The following SOX6 variants were observed in gnomAD, a reference collection of about 807,000 sequenced individuals.
The protein encoded by SOX6 is transcription factor SOX-6.
In SOX6, 11 loss-of-function variants were observed where a neutral mutation model predicts 97.8. The observed-to-expected ratio is 0.11, with a 90% CI of 0.07 to 0.19. The LOEUF (loss-of-function observed/expected upper bound fraction) is 0.19. Ranked by LOEUF, SOX6 falls within the 10% of genes least tolerant of loss-of-function variation. The pLI, the probability that SOX6 is intolerant of heterozygous loss-of-function variation, is 1.00. For synonymous variants in SOX6, 360 were observed against 371.4 expected (o/e 0.97, Z 0.35); for missense variants, 810 against 1,039.5 (o/e 0.78, Z 3.04).
At chr11:16,503,386 G>T (rs11023969) in intron 4 of SOX6, among the ~76,000 whole-genome samples, 26,766 of 152,082 alleles carry the variant, frequency 0.18, 2,755 homozygotes, top group Admixed American at 0.31. Flanking sequence ...GGAACAAATT[G>T]TAGGCAAAGC....
At chr11:16,266,974 A>C (rs986797865) in intron 3 of SOX6, among the ~76,000 whole-genome samples, 18 of 140,300 alleles carry the variant, frequency 1.3e-4, no homozygotes, top group African/African-American at 4.8e-4. Flanking sequence ...GGAGCTGGGA[A>C]AACTGGATAA....
chr11:16,191,267 C>T (rs1851622732), intron 4 of SOX6, among the ~76,000 whole-genome samples: 1 of 152,000 alleles, frequency 6.6e-6, no homozygotes, highest in Admixed American at 6.6e-5. Context: ...ACTACATGGG[C>T]AACATAGTAA....
chr11:15,986,292 T>C lies in SOX6; in HGVS notation c.2095A>G (p.Ile699Val). 4.3e-6 allele frequency: 7 copies of C among 1,614,162 alleles called. No homozygotes were observed. The highest frequency in any genetic ancestry group is 5.9e-6 in the Non-Finnish European group (7 of 1,180,016). Residue 699 changes from isoleucine (I) to valine (V), a missense_variant, in exon 15 of 16, where the codon ATT becomes GTT. Around this residue, in one of 9 missense-constraint regions of SOX6, gnomAD observed 51 missense variants for 145.7 expected, o/e 0.35. Coordinates refer to ENST00000683767, the MANE Select transcript of SOX6 (RefSeq NM_001367873.1). ...ATCCGAAGCTTTTTGCCATCAACAA[T>C]GCAGGTGCGTTTCGGTCGGGGTTTG... ...KYKPRPKRTC[I>V]VDGKKLRIGE...
chr11:16,557,725 A>G (rs1322619659), intron 4 of SOX6, among the ~76,000 whole-genome samples: 1 of 151,828 alleles, frequency 6.6e-6, no homozygotes, highest in Non-Finnish European at 1.5e-5. Context: ...TATTATTGTA[A>G]ATGATAATAT....
At chr11:16,581,315 G>C (rs1255515169) in intron 4 of SOX6, among the ~76,000 whole-genome samples, 2 of 152,062 alleles carry the variant, frequency 1.3e-5, no homozygotes, top group Non-Finnish European at 2.9e-5. Context: ...GGATGAAGCA[G>C]GAAGCCATCA....
intron 4 of SOX6, among the ~76,000 whole-genome samples, chr11:16,569,877 A>AAAAAAAAAAAAAAAAAAAAAAAAAAAC (rs1452519739): frequency 6.6e-6 from 1 of 151,418 alleles, no homozygotes; most frequent in African/African-American, 2.4e-5. Context: ...TCAAAAAAAA[A>AAAAAAAAAAAAAAAAAAAAAAAAAAAC]AAAAAAAAGA....
chr11:16,386,565 C>T (rs1857992528), intron 1 of SOX6, among the ~76,000 whole-genome samples: 1 of 152,112 alleles, frequency 6.6e-6, no homozygotes, highest in Admixed American at 6.6e-5. Flanking sequence ...TCTTCTCTAA[C>T]TGTTCTCTGT....
At chr11:16,152,367 C>T (rs898699456) in intron 6 of SOX6, among the ~76,000 whole-genome samples, 7 of 152,092 alleles carry the variant, frequency 4.6e-5, no homozygotes, top group Non-Finnish European at 1.0e-4. Context: ...TCTGGAGAAC[C>T]CAAATCTGGC....
chr11:16,475,197 A>G (rs1431039725), intron 1 of SOX6, among the ~76,000 whole-genome samples: 6 of 152,208 alleles, frequency 3.9e-5, no homozygotes, highest in Non-Finnish European at 8.8e-5. Flanking sequence ...CTTTCTCCAT[A>G]TCAGCAATAA....
intron 3 of SOX6, among the ~76,000 whole-genome samples, chr11:16,286,752 T>G (rs912439436): frequency 6.6e-6 from 1 of 152,172 alleles, no homozygotes; most frequent in African/African-American, 2.4e-5. Flanking sequence ...ATAAGGAATA[T>G]AAATTTAAAC....
chr11:16,058,200 A>G (rs1196082067), intron 9 of SOX6, among the ~76,000 whole-genome samples: 1 of 151,988 alleles, frequency 6.6e-6, no homozygotes, highest in Non-Finnish European at 1.5e-5. Context: ...TCATCTTCCA[A>G]AACTTCTCTG....
intron 9 of SOX6, among the ~76,000 whole-genome samples, chr11:16,076,909 G>A (rs1848368771): frequency 2.6e-5 from 4 of 151,014 alleles, no homozygotes; most frequent in South Asian, 4.2e-4. Flanking sequence ...GCCCGCCACC[G>A]CGCCCGGCTA....
intron 8 of SOX6, among the ~76,000 whole-genome samples, 182 bp downstream of exon 8, chr11:16,097,427 A>T (rs1848827547): frequency 6.6e-6 from 1 of 151,874 alleles, no homozygotes; most frequent in African/African-American, 2.4e-5. Flanking sequence ...TTCCTTTAAA[A>T]ATATTGAAAC....
intron 1 of SOX6, among the ~76,000 whole-genome samples, chr11:16,471,644 A>G (rs570523457): frequency 1.3e-3 from 198 of 152,318 alleles, no homozygotes; most frequent in Non-Finnish European, 2.4e-3. Flanking sequence ...TAGAAGCCTC[A>G]TCTTTCAGTC....
intron 9 of SOX6, among the ~76,000 whole-genome samples, chr11:16,084,074 T>C (rs1006066905): frequency 1.3e-5 from 2 of 152,274 alleles, no homozygotes; most frequent in South Asian, 4.1e-4. Flanking sequence ...CTGTCACTTC[T>C]TGCTAAAGAG....
chr11:16,447,261 G>A (rs1859629760), intron 1 of SOX6, among the ~76,000 whole-genome samples: 2 of 152,070 alleles, frequency 1.3e-5, no homozygotes, highest in Admixed American at 6.6e-5. Context: ...TAGGAAAAGA[G>A]CACAGTCATT....
Position 16,443,183 on chromosome 11 carries a change from G to A in SOX6, c.-5+33132C>T, listed in dbSNP as rs182808939. Among the ~76,000 whole-genome samples, 700 of 152,158 alleles carry A rather than the reference G, an allele frequency of 4.6e-3. 5 individuals carry two copies. The highest frequency in any genetic ancestry group is 0.016 in the African/African-American group (677 of 41,510). ...ACCTACTCAATGAAGCTTCCCCCCAGTTCTTCCGGACAAATTACACATTTC... is the reference window on the plus strand; with the variant it reads ...ACCTACTCAATGAAGCTTCCCCCCAATTCTTCCGGACAAATTACACATTTC... On this transcript the variant is annotated intron_variant, in intron 1 of 15. Transcript: ENST00000396356.
At chr11:16,686,622 C>T (rs1376827413) in intron 3 of SOX6, among the ~76,000 whole-genome samples, 2 of 152,174 alleles carry the variant, frequency 1.3e-5, no homozygotes, top group Admixed American at 6.5e-5. Flanking sequence ...TTGTTCACAG[C>T]AATTTACTGG....
At chr11:16,101,239 G>C (rs1224568012) in intron 7 of SOX6, among the ~76,000 whole-genome samples, 3 of 151,626 alleles carry the variant, frequency 2.0e-5, no homozygotes, top group Non-Finnish European at 4.4e-5. Context: ...TACACTCTGA[G>C]GGAATGCCAT....
Sources: allele counts gnomAD v4.1 joint callset (sites outside exome capture counted in the v4.1 genomes callset), GRCh38; gene constraint gnomAD v4.1.1; regional missense constraint gnomAD v4.1.1; transcripts MANE v1.5; gene names NCBI Gene and HGNC (gene_info 2026-07-23, HGNC 2026-07-21).